The following NSMCE2 variants were observed in gnomAD, a reference collection of about 807,000 sequenced individuals.
NSMCE2 encodes E3 SUMO-protein ligase NSE2.
Under a neutral mutation model 23.8 loss-of-function variants are expected in NSMCE2, and 24 were observed. That is an observed-to-expected ratio of 1.01 (90% CI 0.73 to 1.42). NSMCE2 has a LOEUF of 1.42. Ranked by LOEUF, NSMCE2 falls within the 40% of genes most tolerant of loss-of-function variation. The pLI is 0.00. For synonymous variants in NSMCE2, 92 were observed against 94.1 expected (o/e 0.98, Z 0.13); for missense variants, 284 against 296.5 (o/e 0.96, Z 0.31).
At chr8:125,289,915 T>C (rs1222851478) in intron 5 of NSMCE2, among the ~76,000 whole-genome samples, 1 of 152,224 alleles carries the variant, frequency 6.6e-6, no homozygotes, top group East Asian at 1.9e-4. Context: ...CCATTGATGT[T>C]TATAAGAATA....
chr8:125,199,538 TGA>T (rs1430602894), intron 5 of NSMCE2, among the ~76,000 whole-genome samples: 1 of 152,088 alleles, frequency 6.6e-6, no homozygotes, highest in Non-Finnish European at 1.5e-5. Context: ...CACTGTGGTC[TGA>T]GAGTTTGTTG....
chr8:125,205,777 T>G (rs1824093124), intron 5 of NSMCE2, among the ~76,000 whole-genome samples: 1 of 152,106 alleles, frequency 6.6e-6, no homozygotes, highest in South Asian at 2.1e-4. Context: ...AAAAAATGGT[T>G]AGAATTATAG....
intron 4 of NSMCE2, among the ~76,000 whole-genome samples, chr8:125,169,523 A>T (rs1458891455): frequency 6.6e-6 from 1 of 152,132 alleles, no homozygotes; most frequent in East Asian, 1.9e-4. Flanking sequence ...CCTATCAGAA[A>T]TCTGTTGTCG....
chr8:125,213,476 G>A (rs1824432007), intron 5 of NSMCE2, among the ~76,000 whole-genome samples: 1 of 144,770 alleles, frequency 6.9e-6, no homozygotes, highest in African/African-American at 2.6e-5. Context: ...GTCTACCTAA[G>A]GCACCCATGT....
chr8:125,325,260 C>G (rs1209893437), intron 5 of NSMCE2, among the ~76,000 whole-genome samples: 1 of 151,546 alleles, frequency 6.6e-6, no homozygotes, highest in Admixed American at 6.6e-5. Flanking sequence ...CCACTGCACT[C>G]CAGCTTGGGT....
chr8:125,314,512 G>A (rs6994510), intron 5 of NSMCE2, among the ~76,000 whole-genome samples: 12,756 of 152,110 alleles, frequency 0.084, 675 homozygotes, highest in South Asian at 0.15. Flanking sequence ...GGCTGGTCTC[G>A]AACTCCTGAC....
chr8:125,119,503 C>T (rs535212172), intron 3 of NSMCE2, among the ~76,000 whole-genome samples: 4 of 152,096 alleles, frequency 2.6e-5, no homozygotes, highest in Non-Finnish European at 5.9e-5. Flanking sequence ...TTTCAGTGGC[C>T]TAACAGGGTT....
At chr8:125,130,213 G>GT in intron 3 of NSMCE2, 1 of 455,596 alleles carries the variant, frequency 2.2e-6, no homozygotes, top group African/African-American at 2.0e-5. Context: ...TGCGTTACAG[G>GT]TTTTTGGGAA....
chr8:125,299,606 T>C (rs530806514), intron 5 of NSMCE2, among the ~76,000 whole-genome samples: 286 of 152,060 alleles, frequency 1.9e-3, no homozygotes, highest in Non-Finnish European at 3.3e-3. Flanking sequence ...CAATTTGAGA[T>C]GAGATTTGGG....
rs549426179 is a variant in NSMCE2, at chr8:125,124,840, C to G, written c.157+22353C>G. On this transcript the variant is annotated intron_variant, in intron 3 of 7. Transcript: ENST00000287437. The stretch of plus-strand genomic sequence containing the variant: ...GACAGAGTCTTACTCTTTTGCCCAG[C>G]CTGGGGTGCAGTGGTGTGATCTCAG... Among the ~76,000 whole-genome samples, 3 of 151,996 alleles carry G rather than the reference C, an allele frequency of 2.0e-5. No homozygotes were observed. In the East Asian group the frequency reaches 5.8e-4, roughly 29 times the overall value.
At chr8:125,185,131 A>C (rs147790719) in intron 5 of NSMCE2, among the ~76,000 whole-genome samples, 16 of 152,250 alleles carry the variant, frequency 1.1e-4, no homozygotes, top group African/African-American at 3.8e-4. Flanking sequence ...GGAATCTTTT[A>C]GGTGGGGAGA....
At chr8:125,200,023 T>C (rs1053051007) in intron 5 of NSMCE2, among the ~76,000 whole-genome samples, 1 of 152,224 alleles carries the variant, frequency 6.6e-6, no homozygotes, top group African/African-American at 2.4e-5. Context: ...TTCCATTTGC[T>C]TGATAGATCT....
intron 5 of NSMCE2, among the ~76,000 whole-genome samples, chr8:125,346,432 A>G (rs1016086076): frequency 6.6e-6 from 1 of 152,214 alleles, no homozygotes; most frequent in African/African-American, 2.4e-5. Context: ...AAATAAGAGA[A>G]TGTAAGAAGA....
chr8:125,197,676 T>C (rs1321366777), intron 5 of NSMCE2, among the ~76,000 whole-genome samples: 1 of 152,208 alleles, frequency 6.6e-6, no homozygotes, highest in Non-Finnish European at 1.5e-5. Flanking sequence ...CAATGTGGGC[T>C]CTTTTTTGGT....
intron 5 of NSMCE2, among the ~76,000 whole-genome samples, chr8:125,338,551 G>A (rs534159585): frequency 5.0e-4 from 76 of 152,276 alleles, no homozygotes; most frequent in African/African-American, 1.8e-3. Context: ...TCTGAATTTC[G>A]TTAGCAGTAG....
At chr8:125,175,952 C>G (rs968997973) in intron 4 of NSMCE2, among the ~76,000 whole-genome samples, 2 of 152,168 alleles carry the variant, frequency 1.3e-5, no homozygotes, top group African/African-American at 2.4e-5. Context: ...AAACAACAAG[C>G]CTCTATATGG....
chr8:125,272,859 A>G (rs1827284292), intron 5 of NSMCE2, among the ~76,000 whole-genome samples: 2 of 129,584 alleles, frequency 1.5e-5, no homozygotes, highest in African/African-American at 6.0e-5. Context: ...ACACACACAT[A>G]TATATACACA....
intron 5 of NSMCE2, among the ~76,000 whole-genome samples, chr8:125,282,955 TAGCATAATTGTTG>T (rs1827751197): frequency 6.6e-6 from 1 of 152,226 alleles, no homozygotes; most frequent in African/African-American, 2.4e-5. Flanking sequence ...GAAGGTAGTC[TAGCATAATTGTTG>T]AAAGAGCAAG....
At chr8:125,303,168 G>A (rs1276497174) in intron 5 of NSMCE2, among the ~76,000 whole-genome samples, 1 of 152,184 alleles carries the variant, frequency 6.6e-6, no homozygotes, top group Admixed American at 6.6e-5. Context: ...AAATGAGGCA[G>A]CTTTCAGAGT....
Sources: allele counts gnomAD v4.1 joint callset (sites outside exome capture counted in the v4.1 genomes callset), GRCh38; gene constraint gnomAD v4.1.1; transcripts MANE v1.5; gene names NCBI Gene and HGNC (gene_info 2026-07-23, HGNC 2026-07-21).